SNTG1: variants seen among roughly 807,000 people sequenced by gnomAD.
The protein encoded by SNTG1 is gamma-1-syntrophin.
In SNTG1, 39 loss-of-function variants were observed where a neutral mutation model predicts 74.7. The observed-to-expected ratio is 0.52, with a 90% CI of 0.40 to 0.68. The LOEUF is 0.68. Among genes scored for constraint, SNTG1 ranks in the 30% least tolerant of loss-of-function variants. SNTG1 has a pLI of 0.00. For synonymous variants in SNTG1, 254 were observed against 217.1 expected, an observed-to-expected ratio of 1.17 and a Z score of -1.49; for missense variants, 685 against 609.5, an observed-to-expected ratio of 1.12 and a Z score of -1.30.
chr8:50,513,499 G>T (rs1327332554), intron 9 of SNTG1, among the ~76,000 whole-genome samples: 1 of 152,226 alleles, frequency 6.6e-6, no homozygotes, highest in Non-Finnish European at 1.5e-5. Flanking sequence ...GTTTGGCTAT[G>T]CCCTGCCCCC....
At chr8:50,525,365 G>A (rs2094211712) in intron 9 of SNTG1, among the ~76,000 whole-genome samples, 1 of 151,994 alleles carries the variant, frequency 6.6e-6, no homozygotes, top group South Asian at 2.1e-4. Context: ...AGCCTTTCTA[G>A]GTTCATCCTA....
chr8:50,483,845 A>G (rs1329954448), intron 8 of SNTG1, among the ~76,000 whole-genome samples: 2 of 152,176 alleles, frequency 1.3e-5, no homozygotes, highest in African/African-American at 4.8e-5. Flanking sequence ...TAACCTATAC[A>G]AAATTCTATT....
At chr8:50,655,228 A>G in intron 13 of SNTG1, among the ~76,000 whole-genome samples, 1 of 152,248 alleles carries the variant, frequency 6.6e-6, no homozygotes, top group East Asian at 1.9e-4. Context: ...TATCCTTTTC[A>G]TTTTAACTCC....
In SNTG1 at chr8:50,517,494, G is replaced by A. The variant is rs539836020; in HGVS notation, c.467-12683G>A. ...TGCCCCAATTAAAAGATACAGACTAGCAAATTGGATAAAGAGTCAAGAACC... is the reference window on the plus strand; with the variant it reads ...TGCCCCAATTAAAAGATACAGACTAACAAATTGGATAAAGAGTCAAGAACC... On this transcript the variant is annotated intron_variant, in intron 9 of 18. Transcript: ENST00000642720. Among the ~76,000 whole-genome samples, 15 of 151,368 alleles carry A rather than the reference G, an allele frequency of 9.9e-5. No individual in the cohort carries two copies. The East Asian group carries it at 1.8e-3, about 18-fold the overall frequency.
intron 13 of SNTG1, among the ~76,000 whole-genome samples, chr8:50,621,614 A>C (rs1351252706): frequency 6.6e-6 from 1 of 152,200 alleles, no homozygotes; most frequent in Non-Finnish European, 1.5e-5. Context: ...TTTGTCCAAA[A>C]GAAACTATTG....
rs1158732952 is a variant in SNTG1 at position 50,454,829 on chromosome 8, T to TAAAAAAAAAAAAAAAAAAAAAAAA, written c.363+4122_363+4123insAAAAAAAAAAAAAAAAAAAAAAAA. On this transcript the variant is annotated intron_variant, in intron 8 of 18. Transcript: ENST00000642720. The stretch of plus-strand genomic sequence containing the variant: ...TGCACTCCAGCCTGTCAGACAGAGC[T>TAAAAAAAAAAAAAAAAAAAAAAAA]AAAAAAAAAAAAAAAAAAAAAAGAA... Among the ~76,000 whole-genome samples, 23 of 95,144 alleles carry TAAAAAAAAAAAAAAAAAAAAAAAA rather than the reference T, an allele frequency of 2.4e-4. 1 individual carries two copies. Among genetic ancestry groups the TAAAAAAAAAAAAAAAAAAAAAAAA allele is most frequent in the African/African-American group, 1.0e-3 (23 of 23,006 alleles). The allele number at this position is 95,144 out of a possible 152,430, so 62.4% of individuals were successfully genotyped here. A position where few individuals can be genotyped will look rare whatever the true frequency, so the allele number is the denominator to read the frequency against.
At chr8:50,037,146 T>C (rs1042003178) in intron 1 of SNTG1, among the ~76,000 whole-genome samples, 10 of 152,228 alleles carry the variant, frequency 6.6e-5, no homozygotes, top group African/African-American at 2.4e-4. Flanking sequence ...TCTCTAAGTT[T>C]AGAAAATCAT....
rs182101003 is a variant in SNTG1 at position 50,545,355 on chromosome 8, C to G, written c.681-7695C>G. Among the ~76,000 whole-genome samples, 349 of 151,308 alleles carry G rather than the reference C, an allele frequency of 2.3e-3. 2 individuals carry two copies. Among genetic ancestry groups the G allele is most frequent in the African/African-American group, 7.8e-3 (324 of 41,374 alleles). ...TGTTATAATATTGCAGTGTCAAGGG[C>G]ATTAGAATAAGAGATAAAGATTGTT... is the stretch of plus-strand genomic sequence containing the variant. On this transcript the variant is annotated intron_variant, in intron 11 of 18. Transcript: ENST00000642720.
At chr8:50,441,200 T>C (rs2093354715) in intron 5 of SNTG1, among the ~76,000 whole-genome samples, 1 of 152,184 alleles carries the variant, frequency 6.6e-6, no homozygotes, top group Non-Finnish European at 1.5e-5. Flanking sequence ...GAAGTCTCTG[T>C]AGCTACCAGT....
chr8:50,517,931 G>C (rs1022973273), intron 9 of SNTG1, among the ~76,000 whole-genome samples: 1 of 152,186 alleles, frequency 6.6e-6, no homozygotes, highest in Non-Finnish European at 1.5e-5. Context: ...TTCAGGACTT[G>C]AACTCAGCTC....
chr8:50,696,255 T>C (rs1211618624), intron 15 of SNTG1, among the ~76,000 whole-genome samples: 1 of 152,050 alleles, frequency 6.6e-6, no homozygotes, highest in Non-Finnish European at 1.5e-5. Flanking sequence ...GATGGTCACT[T>C]GTATGTTTTC....
At chr8:50,291,334 T>C (rs2089096625) in intron 2 of SNTG1, among the ~76,000 whole-genome samples, 1 of 150,996 alleles carries the variant, frequency 6.6e-6, no homozygotes. Flanking sequence ...AAGGAAAGAG[T>C]GTGAGGTACT....
At chr8:50,705,314 G>A (rs2131533642) in intron 16 of SNTG1, among the ~76,000 whole-genome samples, 1 of 152,106 alleles carries the variant, frequency 6.6e-6, no homozygotes, top group African/African-American at 2.4e-5. Context: ...ACAATATAAT[G>A]TACTTTTCTG....
chr8:50,736,644 C>T (rs2095529564), intron 17 of SNTG1, among the ~76,000 whole-genome samples: 1 of 152,040 alleles, frequency 6.6e-6, no homozygotes, highest in Non-Finnish European at 1.5e-5. Flanking sequence ...CACCACATCG[C>T]ACTTATTCTA....
chr8:50,241,910 C>T (rs562007541), intron 2 of SNTG1, among the ~76,000 whole-genome samples: 20 of 152,064 alleles, frequency 1.3e-4, no homozygotes, highest in Non-Finnish European at 2.5e-4. Context: ...AGGTCATCTG[C>T]CCATGGTCTT....
At chr8:50,660,581 T>C (rs2095217577) in intron 15 of SNTG1, among the ~76,000 whole-genome samples, 1 of 152,082 alleles carries the variant, frequency 6.6e-6, no homozygotes, top group Non-Finnish European at 1.5e-5. Flanking sequence ...CTATTCTCTA[T>C]CTGTACACTA....
At position 50,073,302 on chromosome 8, in the gene SNTG1, C is replaced by T. The variant is rs369795042; in HGVS notation, c.-102-99259C>T. Reference sequence around the variant, plus strand: ...TCTTGAGAAACCACACTTTTTTGCTCATCCATAAGAAGCAACTCCTCATAC... The same window carrying T: ...TCTTGAGAAACCACACTTTTTTGCTTATCCATAAGAAGCAACTCCTCATAC... On this transcript the variant is annotated intron_variant, in intron 1 of 18. Transcript: ENST00000642720. Among the ~76,000 whole-genome samples, 30 of 152,220 alleles carry T rather than the reference C, an allele frequency of 2.0e-4. No homozygotes were observed. In the East Asian group the frequency reaches 4.1e-3, roughly 21 times the overall value.
intron 2 of SNTG1, among the ~76,000 whole-genome samples, chr8:50,340,068 T>C (rs1440078812): frequency 2.6e-5 from 4 of 151,898 alleles, no homozygotes; most frequent in African/African-American, 9.7e-5. Context: ...AGAAAGACAT[T>C]AAAGAAGATA....
chr8:50,577,705 C>T (rs183377031), intron 12 of SNTG1, among the ~76,000 whole-genome samples: 2 of 152,264 alleles, frequency 1.3e-5, no homozygotes, highest in East Asian at 3.9e-4. Flanking sequence ...TTAGTGTTAA[C>T]TTCCCTCATT....
Sources: gnomAD v4.1 joint callset for allele counts (sites outside exome capture counted in the v4.1 genomes callset) on GRCh38, gnomAD v4.1.1 for gene constraint, MANE v1.5 for transcripts, NCBI Gene and HGNC (gene_info 2026-07-23, HGNC 2026-07-21) for gene names.